Variants in IFT81 observed in about 807,000 individuals in gnomAD.
The protein encoded by IFT81 is intraflagellar transport protein 81 homolog.
In IFT81, 72 loss-of-function variants were observed where a neutral mutation model predicts 102.6. The ratio of observed to expected loss-of-function variants is 0.70; its 90% CI spans 0.58 to 0.85. The LOEUF is 0.85. Among genes scored for constraint, IFT81 ranks in the 40% least tolerant of loss-of-function variants. The pLI is 0.00. For synonymous variants in IFT81, 237 were observed against 242.7 expected, an observed-to-expected ratio of 0.98 and a Z score of 0.22; for missense variants, 723 against 787.3, an observed-to-expected ratio of 0.92 and a Z score of 0.98.
At chr12:110,158,944 G>A (rs1405373787) in intron 10 of IFT81, among the ~76,000 whole-genome samples, 5 of 151,188 alleles carry the variant, frequency 3.3e-5, no homozygotes, top group Middle Eastern at 3.2e-3. Flanking sequence ...GGATGATCTC[G>A]ATCTCCTGAC....
chr12:110,180,539 A>G lies in IFT81; in HGVS notation c.1306A>G (p.Lys436Glu). The change falls in exon 12 of 19, where the codon AAG becomes GAG. Residue 436 changes from lysine to glutamate, a missense_variant. By Grantham distance (56) the Lys-to-Glu change is moderately conservative. Coordinates refer to ENST00000242591, the MANE Select transcript of IFT81 (RefSeq NM_014055.4). ...GLLQRTEELLKQRHENIQQQL... is the reference protein window; with the variant it reads ...GLLQRTEELLEQRHENIQQQL... Reference sequence around the variant, plus strand: ...TTTGCAGAGGACTGAAGAACTTCTTAAGCAACGTCATGAAAATATTCAACA... The same window carrying G: ...TTTGCAGAGGACTGAAGAACTTCTTGAGCAACGTCATGAAAATATTCAACA... 1 of 1,606,776 alleles carries G rather than the reference A, an allele frequency of 6.2e-7. No homozygotes were observed. Among genetic ancestry groups the G allele is most frequent in the East Asian group, 2.2e-5 (1 of 44,744 alleles).
chr12:110,164,641 G>C (rs909305747), intron 11 of IFT81, among the ~76,000 whole-genome samples: 1 of 152,148 alleles, frequency 6.6e-6, no homozygotes, highest in African/African-American at 2.4e-5. Flanking sequence ...GGTACTTCAG[G>C]TTGTACCCTC....
intron 8 of IFT81, among the ~76,000 whole-genome samples, chr12:110,139,789 A>G (rs1196195642): frequency 2.7e-5 from 4 of 148,382 alleles, no homozygotes; most frequent in African/African-American, 1.0e-4. Context: ...AAACACATAC[A>G]TACATACATA....
chr12:110,191,163 T>C, intron 13 of IFT81, 115 bp downstream of exon 13: 1 of 934,804 alleles, frequency 1.1e-6, no homozygotes, highest in Non-Finnish European at 1.5e-6. Flanking sequence ...ATTACATTCT[T>C]TCATCTTTTT....
intron 14 of IFT81, among the ~76,000 whole-genome samples, chr12:110,195,602 A>G (rs1897966075): frequency 6.6e-6 from 1 of 152,092 alleles, no homozygotes; most frequent in Non-Finnish European, 1.5e-5. Flanking sequence ...TTGTCACTGC[A>G]TATAACATTT....
chr12:110,127,712 A>C, intron 2 of IFT81, among the ~76,000 whole-genome samples, 188 bp downstream of exon 2: 1 of 152,346 alleles, frequency 6.6e-6, no homozygotes, highest in East Asian at 1.9e-4. Context: ...ACCTTATTTC[A>C]AAATTATTTA....
rs1409124537 is a variant in IFT81, at chr12:110,127,370, A to G, written c.-11A>G. On this transcript the variant is annotated 5_prime_UTR_variant, in exon 2 of 19. The change creates a new upstream start codon in the 5' untranslated region. Coordinates refer to ENST00000242591, the MANE Select transcript of IFT81 (RefSeq NM_014055.4). ...ATTTTTACTCTTTAGTTAAAATTAT[A>G]AGACCTAATTATGAGTGATCAAATT... 3.9e-6 allele frequency: 6 copies of G among 1,523,344 alleles called. No individual in the cohort carries two copies. The Admixed American group carries it at 9.8e-5, about 25-fold the overall frequency. The allele number at this position is 1,523,344 out of a possible 1,614,324, so 94.4% of individuals were successfully genotyped here.
intron 11 of IFT81, among the ~76,000 whole-genome samples, chr12:110,174,988 AT>A (rs1359216743): frequency 1.3e-5 from 2 of 152,216 alleles, no homozygotes. Flanking sequence ...TAAAGTATTA[AT>A]CTTATTTGAT....
chr12:110,199,357 T>G (rs1898157871), intron 14 of IFT81, among the ~76,000 whole-genome samples: 1 of 152,186 alleles, frequency 6.6e-6, no homozygotes, highest in Non-Finnish European at 1.5e-5. Context: ...GGTGTACACC[T>G]CTACAGTGGT....
chr12:110,214,014 G>C (rs1401283588), intron 18 of IFT81, among the ~76,000 whole-genome samples: 1 of 152,020 alleles, frequency 6.6e-6, no homozygotes, highest in African/African-American at 2.4e-5. Flanking sequence ...GTGAATAAAT[G>C]ACCATTATAT....
intron 12 of IFT81, among the ~76,000 whole-genome samples, chr12:110,183,789 T>C (rs1418661221): frequency 6.6e-6 from 1 of 152,210 alleles, no homozygotes; most frequent in African/African-American, 2.4e-5. Flanking sequence ...GCCCAGAGGA[T>C]ACAGGATAAT....
chr12:110,157,176 C>T (rs527366512), intron 10 of IFT81, among the ~76,000 whole-genome samples: 7 of 152,028 alleles, frequency 4.6e-5, no homozygotes, highest in Middle Eastern at 3.4e-3. Context: ...GGTGAAACCC[C>T]GTCTCTACCA....
intron 12 of IFT81, among the ~76,000 whole-genome samples, chr12:110,187,373 C>CAAG (rs1897583121): frequency 6.6e-6 from 1 of 152,104 alleles, no homozygotes; most frequent in Non-Finnish European, 1.5e-5. Flanking sequence ...AAGTGATTCT[C>CAAG]CCACCTCAGC....
At chr12:110,195,689 AC>A (rs1897970445) in intron 14 of IFT81, among the ~76,000 whole-genome samples, 1 of 152,160 alleles carries the variant, frequency 6.6e-6, no homozygotes, top group African/African-American at 2.4e-5. Context: ...AGCGCTCATT[AC>A]CAATTCACTG....
At chr12:110,154,954 C>T (rs74467961) in intron 10 of IFT81, among the ~76,000 whole-genome samples, 1 of 152,026 alleles carries the variant, frequency 6.6e-6, no homozygotes, top group African/African-American at 2.4e-5. Context: ...TTGTTCTATC[C>T]ATTATTGAGA....
At chr12:110,201,245 A>G (rs1270618426) in intron 14 of IFT81, among the ~76,000 whole-genome samples, 2 of 151,280 alleles carry the variant, frequency 1.3e-5, no homozygotes, top group Admixed American at 1.3e-4. Flanking sequence ...TCTACTAAAA[A>G]TACGAAATTA....
intron 18 of IFT81, among the ~76,000 whole-genome samples, chr12:110,212,853 T>A (rs1273342271): frequency 6.6e-6 from 1 of 151,574 alleles, no homozygotes; most frequent in African/African-American, 2.4e-5. Flanking sequence ...AAAAAAAAAA[T>A]GATCGCCTTT....
At chr12:110,134,657 C>T (rs1011449978) in intron 5 of IFT81, among the ~76,000 whole-genome samples, 5 of 152,246 alleles carry the variant, frequency 3.3e-5, no homozygotes, top group East Asian at 3.9e-4. Flanking sequence ...AAATCATGTG[C>T]CCATATTTGG....
chr12:110,168,531 A>G, intron 11 of IFT81: 1 of 711,938 alleles, frequency 1.4e-6, no homozygotes, highest in Non-Finnish European at 1.7e-6. Context: ...AATTTTTTTA[A>G]AAAGTATCCT....
Sources: allele counts gnomAD v4.1 joint callset (sites outside exome capture counted in the v4.1 genomes callset), GRCh38; gene constraint gnomAD v4.1.1; transcripts MANE v1.5; gene names NCBI Gene and HGNC (gene_info 2026-07-23, HGNC 2026-07-21).